The following METTL15 variants were observed in gnomAD, a reference collection of about 807,000 sequenced individuals.
The protein encoded by METTL15 is 12S rRNA N(4)-cytidine methyltransferase METTL15.
METTL15 carries 34 observed loss-of-function variants against 38.3 expected under a neutral mutation model. The observed-to-expected ratio is 0.89, with a 90% CI of 0.68 to 1.18. METTL15 has a LOEUF of 1.18. Among genes scored for constraint, METTL15 ranks in the 50% most tolerant of loss-of-function variants. METTL15 has a pLI of 0.00. For synonymous variants in METTL15, 162 were observed against 170.9 expected, an observed-to-expected ratio of 0.95 and a Z score of 0.41; for missense variants, 438 against 498.4, an observed-to-expected ratio of 0.88 and a Z score of 1.15.
intron 3 of METTL15, among the ~76,000 whole-genome samples, chr11:28,207,598 T>C (rs1271451720): frequency 2.6e-5 from 4 of 152,180 alleles, no homozygotes; most frequent in Admixed American, 2.0e-4. Context: ...TGCCCGGCTT[T>C]GGTGTCAGGA....
chr11:28,389,215 T>C lies in METTL15; in HGVS notation c.*358+27179T>C, dbSNP rs192295063. 2.0e-3 allele frequency among the ~76,000 whole-genome samples: 262 copies of C among 132,470 alleles called. 1 individual carries two copies. The highest frequency in any genetic ancestry group is 0.019 in the Admixed American group (228 of 12,150). The allele number at this position is 132,470 out of a possible 152,430, so 86.9% of individuals were successfully genotyped here. On this transcript the variant is annotated intron_variant and NMD_transcript_variant, in intron 5 of 7. Coordinates refer to the METTL15 transcript ENST00000532947. The stretch of plus-strand genomic sequence containing the variant: ...TATACCCAATAATGGGATGGCTGGG[T>C]GAAATAGTATTTCTAGTTCTTTTTT...
chr11:28,387,807 G>A (rs983534995), intron 5 of METTL15, among the ~76,000 whole-genome samples: 1 of 151,982 alleles, frequency 6.6e-6, no homozygotes, highest in Non-Finnish European at 1.5e-5. Context: ...CAAAATACTA[G>A]CAAATACTTT....
intron 5 of METTL15, among the ~76,000 whole-genome samples, chr11:28,384,833 T>G (rs1314138393): frequency 6.6e-6 from 1 of 152,158 alleles, no homozygotes; most frequent in African/African-American, 2.4e-5. Context: ...ATACTTGCCA[T>G]TTTGATGGGT....
chr11:28,367,440 T>A (rs766301873), intron 5 of METTL15, among the ~76,000 whole-genome samples: 2 of 152,048 alleles, frequency 1.3e-5, no homozygotes, highest in Non-Finnish European at 2.9e-5. Context: ...ACAAGGGATG[T>A]GAAGGACCTT....
chr11:28,397,306 C>T (rs1306746609), intron 5 of METTL15, among the ~76,000 whole-genome samples: 2 of 151,766 alleles, frequency 1.3e-5, no homozygotes, highest in African/African-American at 4.8e-5. Flanking sequence ...GAACAGGCAA[C>T]CTACAGAATG....
At chr11:28,264,675 T>C (rs1182837929) in intron 4 of METTL15, among the ~76,000 whole-genome samples, 1 of 152,130 alleles carries the variant, frequency 6.6e-6, no homozygotes, top group African/African-American at 2.4e-5. Flanking sequence ...GCAATTTCCT[T>C]ACTATATTCC....
chr11:28,253,521 A>T (rs1590221100), intron 4 of METTL15, among the ~76,000 whole-genome samples: 1 of 152,036 alleles, frequency 6.6e-6, no homozygotes, highest in African/African-American at 2.4e-5. Flanking sequence ...TAGTCACCCT[A>T]TTTTACTGTC....
At position 28,499,940 on chromosome 11, in the gene METTL15, T is replaced by C. The variant is rs566907727; in HGVS notation, c.*425-26538T>C. On this transcript the variant is annotated intron_variant and NMD_transcript_variant, in intron 6 of 7. Coordinates refer to the METTL15 transcript ENST00000532947. ...GCATGTGGTATTCTGGGTAGAGCAA[T>C]TGTCCTTTTAATTAAAAGTAATAAC... 7.9e-4 allele frequency among the ~76,000 whole-genome samples: 120 copies of C among 152,318 alleles called. 1 individual carries two copies. The highest frequency in any genetic ancestry group is 2.6e-3 in the African/African-American group (109 of 41,572).
At chr11:28,401,424 G>T (rs1850629481) in intron 5 of METTL15, among the ~76,000 whole-genome samples, 1 of 151,710 alleles carries the variant, frequency 6.6e-6, no homozygotes, top group African/African-American at 2.4e-5. Flanking sequence ...AGAACTTTCT[G>T]GTCTTCTCTC....
At chr11:28,497,344 G>C (rs1851543251) in intron 6 of METTL15, among the ~76,000 whole-genome samples, 1 of 152,184 alleles carries the variant, frequency 6.6e-6, no homozygotes, top group African/African-American at 2.4e-5. Flanking sequence ...TGTAATACAA[G>C]CTTATGTGTT....
chr11:28,392,611 A>G (rs2133395239), intron 5 of METTL15, among the ~76,000 whole-genome samples: 1 of 152,212 alleles, frequency 6.6e-6, no homozygotes, highest in South Asian at 2.1e-4. Flanking sequence ...GATTTATTGG[A>G]TATAATAACA....
intron 4 of METTL15, among the ~76,000 whole-genome samples, chr11:28,267,160 CAAAAAAAAA>C (rs57831121): frequency 1.5e-3 from 82 of 53,766 alleles, no homozygotes; most frequent in African/African-American, 5.2e-3. Context: ...AACTCCATCT[CAAAAAAAAA>C]AAAAAAAAAA....
chr11:28,114,519 C>T lies in METTL15; in HGVS notation c.270+915C>T, dbSNP rs568134280. On this transcript the variant is annotated intron_variant, in intron 3 of 6. Transcript: ENST00000407364. ...AAGCTGGAGTGCAGTGGTGTGATCT[C>T]GGCTCACTGCAACCCCCGCCTCCTG... 2.0e-5 allele frequency among the ~76,000 whole-genome samples: 3 copies of T among 151,296 alleles called. No homozygotes were observed. The South Asian group carries it at 6.3e-4, about 32-fold the overall frequency.
intron 5 of METTL15, among the ~76,000 whole-genome samples, chr11:28,402,953 T>TGAAA (rs1850642407): frequency 6.6e-6 from 1 of 151,932 alleles, no homozygotes; most frequent in African/African-American, 2.4e-5. Context: ...TGTTTCTGAG[T>TGAAA]TATTTCACTC....
intron 4 of METTL15, among the ~76,000 whole-genome samples, chr11:28,215,299 G>A (rs1009104324): frequency 1.3e-5 from 2 of 152,108 alleles, no homozygotes; most frequent in Non-Finnish European, 2.9e-5. Context: ...AGGCTTTGAA[G>A]CTGGCTTTGG....
chr11:28,484,216 A>G (rs1318944337), intron 6 of METTL15, among the ~76,000 whole-genome samples: 1 of 152,200 alleles, frequency 6.6e-6, no homozygotes, highest in African/African-American at 2.4e-5. Context: ...CAGTCCTGTT[A>G]AGGTCTGTAC....
At chr11:28,225,094 A>T (rs983517278) in intron 4 of METTL15, among the ~76,000 whole-genome samples, 2 of 151,742 alleles carry the variant, frequency 1.3e-5, no homozygotes, top group South Asian at 4.1e-4. Context: ...TGATAAAGTA[A>T]TACTCCTTTA....
At chr11:28,321,878 A>G (rs1233210990) in intron 6 of METTL15, among the ~76,000 whole-genome samples, 1 of 150,094 alleles carries the variant, frequency 6.7e-6, no homozygotes. Flanking sequence ...ATGGAACACA[A>G]TTGAGAATCC....
At chr11:28,403,295 C>T (rs1315954826) in intron 5 of METTL15, among the ~76,000 whole-genome samples, 3 of 151,946 alleles carry the variant, frequency 2.0e-5, no homozygotes, top group Admixed American at 1.3e-4. Flanking sequence ...CTGCTTTGGC[C>T]TCTTGCTGGC....
Sources: gnomAD v4.1 joint callset for allele counts (sites outside exome capture counted in the v4.1 genomes callset) on GRCh38, gnomAD v4.1.1 for gene constraint, MANE v1.5 for transcripts, NCBI Gene and HGNC (gene_info 2026-07-23, HGNC 2026-07-21) for gene names.